DPH5: variants seen among roughly 807,000 people sequenced by gnomAD.
DPH5 encodes the protein diphthine methyl ester synthase.
A neutral mutation model predicts 31.6 loss-of-function variants in DPH5; 31 were observed. That is an observed-to-expected ratio of 0.98 (90% CI 0.74 to 1.32). The LOEUF (loss-of-function observed/expected upper bound fraction) is 1.32, where lower values mean the gene tolerates loss of function less well. Among genes scored for constraint, DPH5 ranks in the 40% most tolerant of loss-of-function variants. The pLI, the probability that DPH5 is intolerant of heterozygous loss-of-function variation, is 0.00. For synonymous variants in DPH5, 120 were observed against 115.0 expected (o/e 1.04, Z -0.28); for missense variants, 309 against 335.7 (o/e 0.92, Z 0.62).
In DPH5 at chr1:100,995,112, G is replaced by A. The variant is rs746992822; in HGVS notation, c.528C>T (p.Ile176=). ...KVKEQSLENL[I]KGRKIYEPPR... ...GCATTCTCAGAATAATAACTTACTT[G>A]ATTAGATTTTCCAAAGACTGCTCCT... Residue 176 remains isoleucine (I), a splice_region_variant and synonymous_variant, in exon 6 of 8, where the codon ATC becomes ATT. Transcript: ENST00000370109. 1 of 1,572,040 alleles carries A rather than the reference G, an allele frequency of 6.4e-7. No homozygotes were observed. Among genetic ancestry groups the A allele is most frequent in the Non-Finnish European group, 8.7e-7 (1 of 1,143,010 alleles).
At chr1:101,021,495 A>G (rs1660437849) in intron 3 of DPH5, 146 bp downstream of exon 3, 2 of 702,412 alleles carry the variant, frequency 2.8e-6, no homozygotes, top group Non-Finnish European at 4.5e-6. Context: ...ATGAAAGTTT[A>G]AACTATGACA....
intron 4 of DPH5, among the ~76,000 whole-genome samples, chr1:101,008,028 T>A (rs935615349): frequency 2.6e-5 from 4 of 152,232 alleles, no homozygotes; most frequent in Non-Finnish European, 5.9e-5. Flanking sequence ...ATTATTTTAA[T>A]GTGAAAAATC....
chr1:101,003,515 C>T (rs74106670), intron 4 of DPH5, among the ~76,000 whole-genome samples: 2,172 of 152,252 alleles, frequency 0.014, 50 homozygotes, highest in African/African-American at 0.05. Context: ...TAATCATGGA[C>T]AAGTCAAGTA....
chr1:100,996,379 G>C (rs369438491), intron 5 of DPH5: 288 of 152,316 alleles, frequency 1.9e-3, no homozygotes, highest in African/African-American at 6.7e-3. Context: ...TTAAAAGGAA[G>C]AGGGTTGAGG....
At chr1:101,025,577 G>A in intron 1 of DPH5, 106 bp downstream of exon 1, 1 of 1,097,096 alleles carries the variant, frequency 9.1e-7, no homozygotes, top group Non-Finnish European at 1.3e-6. Flanking sequence ...AAGTCACAAG[G>A]AGGGGTTTGG....
At chr1:101,013,062 C>G (rs1403040797) in intron 4 of DPH5, among the ~76,000 whole-genome samples, 1 of 152,126 alleles carries the variant, frequency 6.6e-6, no homozygotes, top group Non-Finnish European at 1.5e-5. Context: ...TGTCTTAAAA[C>G]CACTGTTAGC....
At chr1:101,006,341 A>G (rs1429119587) in intron 4 of DPH5, among the ~76,000 whole-genome samples, 1 of 152,184 alleles carries the variant, frequency 6.6e-6, no homozygotes, top group Non-Finnish European at 1.5e-5. Context: ...TACGATTTAA[A>G]AAGAAAACTA....
chr1:101,010,697 T>C (rs1170962723), intron 4 of DPH5, among the ~76,000 whole-genome samples: 1 of 152,180 alleles, frequency 6.6e-6, no homozygotes, highest in African/African-American at 2.4e-5. Flanking sequence ...GAATGCCTTT[T>C]CACAGTGGTT....
chr1:100,997,184 A>C (rs1281168201), intron 5 of DPH5, among the ~76,000 whole-genome samples: 1 of 152,214 alleles, frequency 6.6e-6, no homozygotes, highest in Non-Finnish European at 1.5e-5. Flanking sequence ...ACAACACATT[A>C]GTTCCAAACT....
chr1:101,002,710 C>G (rs1213149123), intron 4 of DPH5, among the ~76,000 whole-genome samples: 1 of 152,130 alleles, frequency 6.6e-6, no homozygotes, highest in Non-Finnish European at 1.5e-5. Flanking sequence ...CAGGAAGTCA[C>G]TTTTCTCAGC....
At chr1:101,007,711 TC>T (rs1659334451) in intron 4 of DPH5, among the ~76,000 whole-genome samples, 1 of 131,996 alleles carries the variant, frequency 7.6e-6, no homozygotes, top group East Asian at 2.1e-4. Context: ...CAAGACTCCG[TC>T]CCCCCCGAAA....
chr1:101,010,999 C>T (rs868696360), intron 4 of DPH5, among the ~76,000 whole-genome samples: 2 of 152,126 alleles, frequency 1.3e-5, no homozygotes, highest in African/African-American at 4.8e-5. Context: ...GAATATGAAG[C>T]CCAGCAACCT....
At chr1:101,001,898 C>T (rs770860662) in intron 4 of DPH5, among the ~76,000 whole-genome samples, 12 of 151,236 alleles carry the variant, frequency 7.9e-5, no homozygotes, top group Non-Finnish European at 1.2e-4. Context: ...TGCAAAGAAC[C>T]CAGGAGAAAA....
chr1:101,000,055 G>A (rs1357143004), intron 5 of DPH5, among the ~76,000 whole-genome samples: 2 of 151,762 alleles, frequency 1.3e-5, no homozygotes, highest in Non-Finnish European at 2.9e-5. Flanking sequence ...GCCAAGGCAG[G>A]AGAATTGCCT....
intron 7 of DPH5, among the ~76,000 whole-genome samples, chr1:100,991,601 A>T (rs1657712007): frequency 6.6e-6 from 1 of 152,076 alleles, no homozygotes; most frequent in African/African-American, 2.4e-5. Flanking sequence ...CAGCTGGGCA[A>T]CATGGTGAAA....
intron 3 of DPH5, among the ~76,000 whole-genome samples, chr1:101,016,680 G>A (rs1660106222): frequency 1.3e-5 from 2 of 151,774 alleles, no homozygotes; most frequent in African/African-American, 4.8e-5. Context: ...CTCCTGACTG[G>A]AGGTGATCTG....
At position 101,001,149 on chromosome 1, in the gene DPH5, A is replaced by G. The variant is rs887286971; in HGVS notation, c.490+318T>C. 2.6e-5 allele frequency among the ~76,000 whole-genome samples: 4 copies of G among 152,230 alleles called. No individual in the cohort carries two copies. The South Asian group carries it at 8.3e-4, about 32-fold the overall frequency. ...GGATGGTCCTTGGTAAGGCTTGCTC[A>G]GTGCATGTCTATTGGATTGCAGTAA... On this transcript the variant is annotated intron_variant, in intron 5 of 7. Transcript: ENST00000370109.
In DPH5 at chr1:101,019,870, G is replaced by A. The variant is rs547771964; in HGVS notation, c.260+1771C>T. Among the ~76,000 whole-genome samples, 75 of 151,620 alleles carry A rather than the reference G, an allele frequency of 4.9e-4. No individual in the cohort carries two copies. In the South Asian group the frequency reaches 0.013, roughly 27 times the overall value. Reference sequence around the variant, plus strand: ...ACTCCGGAATAAAACAGGAATGAAAGAGGTAGCATCTGAGCTGTATACTAA... The same window carrying A: ...ACTCCGGAATAAAACAGGAATGAAAAAGGTAGCATCTGAGCTGTATACTAA... On this transcript the variant is annotated intron_variant, in intron 3 of 7. Transcript: ENST00000370109.
chr1:100,992,510 A>T, intron 7 of DPH5, 127 bp downstream of exon 7: 1 of 600,414 alleles, frequency 1.7e-6, no homozygotes, highest in Non-Finnish European at 2.6e-6. Context: ...GACAAAAATG[A>T]CAAGAAATAG....
Sources: allele counts gnomAD v4.1 joint callset (sites outside exome capture counted in the v4.1 genomes callset), GRCh38; gene constraint gnomAD v4.1.1; transcripts MANE v1.5; gene names NCBI Gene and HGNC (gene_info 2026-07-23, HGNC 2026-07-21).